The following FRY variants were observed in gnomAD, a reference collection of about 807,000 sequenced individuals.
The protein encoded by FRY is FRY microtubule binding protein.
Under a neutral mutation model 348.4 loss-of-function variants are expected in FRY, and 128 were observed. The observed-to-expected ratio is 0.37, with a 90% CI of 0.32 to 0.43. The LOEUF (loss-of-function observed/expected upper bound fraction) is 0.43. FRY is among the 20% of genes least tolerant of loss of function. FRY has a pLI of 1.00. For missense variants in FRY, 2,736 were observed against 3,695.2 expected (o/e 0.74, Z 6.73); for synonymous variants, 1,370 against 1,374.7 (o/e 1.00, Z 0.08).
In FRY at chr13:32,124,328, C is replaced by T. The variant is rs761088341; in HGVS notation, c.507C>T (p.Leu169=). ...ATTATTTAATGGAAAGACGGGACCT[C>T]GCCATTGATTTTATTTTTTCTTTAG... ...QRDYLMERRD[L]AIDFIFSLVL... The change falls in exon 5 of 61, where the codon CTC becomes CTT. Residue 169 remains leucine, a synonymous_variant. Coordinates refer to ENST00000542859, the MANE Select transcript of FRY (RefSeq NM_023037.3). 23 of 1,601,400 alleles carry T rather than the reference C, an allele frequency of 1.4e-5. No homozygotes were observed. Among genetic ancestry groups the T allele is most frequent in the South Asian group, 2.2e-5 (2 of 90,576 alleles).
chr13:32,225,988 A>T lies in FRY; in HGVS notation c.5206+14A>T, dbSNP rs374544751. The T allele has an allele frequency of 5.0e-6, 8 of 1,611,078 alleles. No individual in the cohort carries two copies. The highest frequency in any genetic ancestry group is 5.9e-6 in the Non-Finnish European group (7 of 1,177,346). Reference sequence around the variant, plus strand: ...ATCTCTATACAGGTAACAGAGAAGGACTGGTAGAGAGCCTAGGACAGTTAC... The same window carrying T: ...ATCTCTATACAGGTAACAGAGAAGGTCTGGTAGAGAGCCTAGGACAGTTAC... On this transcript the variant is annotated intron_variant, in intron 39 of 60. Transcript: ENST00000542859.
intron 29 of FRY, among the ~76,000 whole-genome samples, chr13:32,196,772 A>T (rs908591149): frequency 6.6e-6 from 1 of 152,156 alleles, no homozygotes; most frequent in African/African-American, 2.4e-5. Flanking sequence ...AAAATTTTTC[A>T]TAAAACATGT....
At chr13:32,253,692 A>C (rs1430218862) in intron 50 of FRY, among the ~76,000 whole-genome samples, 1 of 151,974 alleles carries the variant, frequency 6.6e-6, no homozygotes, top group African/African-American at 2.4e-5. Flanking sequence ...TTACTCACCT[A>C]CTCTTCTATG....
chr13:32,237,311 A>G lies in FRY; in HGVS notation c.5811-68A>G. 5 of 1,483,176 alleles carry G rather than the reference A, an allele frequency of 3.4e-6. No homozygotes were observed. The highest frequency in any genetic ancestry group is 4.7e-6 in the Non-Finnish European group (5 of 1,068,652). 91.9% of individuals were successfully genotyped at this position (1,483,176 alleles called of 1,614,324 possible). A position where few individuals can be genotyped will look rare whatever the true frequency, so the allele number is the denominator to read the frequency against. ...TCCCTCCTGCAGTGTTTCTCAGTGG[A>G]CTTGAAAGGACTGGCTTTTGGTGAC... On this transcript the variant is annotated intron_variant, in intron 43 of 60. Coordinates refer to ENST00000542859, the MANE Select transcript of FRY (RefSeq NM_023037.3). This position sits in a 1 kb window ranked among gnomAD's most constrained non-coding sequence, Gnocchi z 6.3.
chr13:32,214,270 C>G (rs1320704148), intron 35 of FRY, among the ~76,000 whole-genome samples: 1 of 152,156 alleles, frequency 6.6e-6, no homozygotes, highest in Non-Finnish European at 1.5e-5. Flanking sequence ...TGGGTGCTTA[C>G]AGACACACTT....
intron 19 of FRY, among the ~76,000 whole-genome samples, chr13:32,174,844 G>T (rs1463142280): frequency 6.6e-6 from 1 of 151,752 alleles, no homozygotes; most frequent in Non-Finnish European, 1.5e-5. Context: ...GATGGTGAAT[G>T]AATATATAAT....
At chr13:32,060,883 T>C (rs1873903474) in intron 1 of FRY, 1 of 352,284 alleles carries the variant, frequency 2.8e-6, no homozygotes, top group African/African-American at 2.1e-5. Context: ...CAGTCTGCCC[T>C]GGACGGAAGG....
intron 2 of FRY, chr13:32,085,871 C>A (rs1232372946): frequency 1.9e-6 from 1 of 518,982 alleles, no homozygotes; most frequent in South Asian, 1.4e-5. Context: ...ACAACCACAG[C>A]TCCTTTCAGC....
intron 50 of FRY, among the ~76,000 whole-genome samples, chr13:32,253,153 C>T (rs546495467): frequency 2.0e-5 from 3 of 152,334 alleles, no homozygotes; most frequent in Admixed American, 1.3e-4. Flanking sequence ...CAGCCTTCAG[C>T]TGAGGAAATC....
At chr13:32,117,190 A>G (rs915681774) in intron 3 of FRY, 144 bp from the exon 4 acceptor site, 1 of 741,670 alleles carries the variant, frequency 1.3e-6, no homozygotes, top group Non-Finnish European at 2.3e-6. Context: ...TTGGGAATGT[A>G]CTAATAAAGA....
In FRY at chr13:32,216,691, A is replaced by C. The variant is rs1593754406; in HGVS notation, c.4683-2058A>C. Among the ~76,000 whole-genome samples, 4 of 152,350 alleles carry C rather than the reference A, an allele frequency of 2.6e-5. No individual in the cohort carries two copies. In the South Asian group the frequency reaches 8.3e-4, roughly 32 times the overall value. On this transcript the variant is annotated intron_variant, in intron 35 of 60. Transcript: ENST00000542859. The stretch of plus-strand genomic sequence containing the variant: ...TTATCACTTTGCATTTATCAGCATA[A>C]ATATGATTAAAGAACTTCTTCAGAA...
At chr13:32,195,651 C>T (rs1361015916) in intron 29 of FRY, among the ~76,000 whole-genome samples, 4 of 152,036 alleles carry the variant, frequency 2.6e-5, no homozygotes, top group African/African-American at 4.8e-5. Context: ...GGTATTTTTC[C>T]TTAGGGAGCA....
chr13:32,087,264 A>T (rs1473445217), intron 2 of FRY, among the ~76,000 whole-genome samples: 1 of 152,236 alleles, frequency 6.6e-6, no homozygotes, highest in Admixed American at 6.5e-5. Flanking sequence ...CTGAAAGGCC[A>T]GGCAATTAGC....
chr13:32,121,649 T>C (rs1878660879), intron 4 of FRY, among the ~76,000 whole-genome samples: 1 of 152,232 alleles, frequency 6.6e-6, no homozygotes, highest in Non-Finnish European at 1.5e-5. Context: ...TACTGATTTG[T>C]TGGCATTCAT....
intron 27 of FRY, 100 bp downstream of exon 27, chr13:32,186,520 A>G (rs767133011): frequency 5.8e-4 from 459 of 793,314 alleles, no homozygotes; most frequent in South Asian, 1.3e-3. Flanking sequence ...TAAATAATAC[A>G]ATATCATAGA....
At chr13:32,220,308 A>G (rs1258391362) in intron 36 of FRY, among the ~76,000 whole-genome samples, 3 of 152,190 alleles carry the variant, frequency 2.0e-5, no homozygotes, top group African/African-American at 7.2e-5. Flanking sequence ...GCAGTTCTCT[A>G]CCATTAAAAT....
chr13:32,234,850 A>T (rs1480446238), intron 42 of FRY, 89 bp downstream of exon 42: 2 of 1,060,930 alleles, frequency 1.9e-6, no homozygotes, highest in African/African-American at 1.5e-5. Flanking sequence ...TCTTCTGTCA[A>T]CAATTATTCC....
chr13:32,109,404 A>G (rs1877806846), intron 3 of FRY, among the ~76,000 whole-genome samples: 3 of 152,246 alleles, frequency 2.0e-5, no homozygotes, highest in Admixed American at 2.0e-4. Flanking sequence ...GGTTGTATCA[A>G]GTGCTCTAGG....
chr13:32,089,655 C>T (rs1414895614), intron 2 of FRY, among the ~76,000 whole-genome samples: 3 of 151,870 alleles, frequency 2.0e-5, no homozygotes, highest in Non-Finnish European at 4.4e-5. Context: ...CATGCCTGTG[C>T]TTCCAGAGGC....
Sources: gnomAD v4.1 joint callset for allele counts (sites outside exome capture counted in the v4.1 genomes callset) on GRCh38, gnomAD v4.1.1 for gene constraint, Gnocchi (gnomAD v3.1) non-coding constraint, MANE v1.5 for transcripts, NCBI Gene and HGNC (gene_info 2026-07-23, HGNC 2026-07-21) for gene names.